The following KRABD5 variants were observed in gnomAD, a reference collection of about 807,000 sequenced individuals.
KRABD5 encodes KRAB domain-containing protein 5.
the KRABD5 span, chr16:31,754,633 T>C: frequency 2.1e-6 from 1 of 465,658 alleles, no homozygotes; most frequent in East Asian, 6.7e-5. Context: ...CTGCCAAATG[T>C]AATAAGTGTA....
chr16:31,735,112 C>CTT, the KRABD5 span, among the ~76,000 whole-genome samples: 2 of 150,482 alleles, frequency 1.3e-5, no homozygotes, highest in Non-Finnish European at 2.9e-5. Context: ...CTCTTTCTTT[C>CTT]TTTTTTTCTT....
At chr16:31,724,549 G>A in the KRABD5 span, among the ~76,000 whole-genome samples, 8 of 151,884 alleles carry the variant, frequency 5.3e-5, no homozygotes, top group Admixed American at 1.3e-4. Flanking sequence ...AAAATTAGCC[G>A]GGCGTGGTGG....
chr16:31,713,332 G>A, the KRABD5 span: 1 of 1,520,164 alleles, frequency 6.6e-7, no homozygotes, highest in Non-Finnish European at 8.9e-7. Flanking sequence ...AGGCCAAGGC[G>A]GCTTCGCGTT....
At chr16:31,730,949 T>C in the KRABD5 span, among the ~76,000 whole-genome samples, 2 of 152,230 alleles carry the variant, frequency 1.3e-5, no homozygotes, top group Non-Finnish European at 2.9e-5. Flanking sequence ...TATAAAACTT[T>C]TTAGTTATCT....
At chr16:31,747,131 C>T in the KRABD5 span, among the ~76,000 whole-genome samples, 1 of 137,532 alleles carries the variant, frequency 7.3e-6, no homozygotes, top group Non-Finnish European at 1.6e-5. Context: ...TTAATGCTAT[C>T]CCTACCCCCT....
At chr16:31,747,537 T>G in the KRABD5 span, among the ~76,000 whole-genome samples, 1 of 152,224 alleles carries the variant, frequency 6.6e-6, no homozygotes. Flanking sequence ...ATGGTATTTC[T>G]AGTTCTAGAT....
At chr16:31,745,936 G>C in the KRABD5 span, among the ~76,000 whole-genome samples, 1 of 151,860 alleles carries the variant, frequency 6.6e-6, no homozygotes, top group Admixed American at 6.6e-5. Context: ...AACTAGGATT[G>C]CAACCCCTGC....
chr16:31,742,396 C>T, the KRABD5 span, among the ~76,000 whole-genome samples: 2 of 151,994 alleles, frequency 1.3e-5, no homozygotes, highest in East Asian at 1.9e-4. Flanking sequence ...CACTTATAAG[C>T]GAGAACATGC....
At chr16:31,716,997 G>GTTTTTTTTTTTTTTTT in the KRABD5 span, among the ~76,000 whole-genome samples, 1 of 81,164 alleles carries the variant, frequency 1.2e-5, no homozygotes, top group Admixed American at 1.5e-4. Context: ...GTCAGTCTTT[G>GTTTTTTTTTTTTTTTT]TTTTTTTTTT....
At chr16:31,759,066 C>T in the KRABD5 span, 1 of 286,614 alleles carries the variant, frequency 3.5e-6, no homozygotes, top group African/African-American at 2.2e-5. Context: ...TTCCCTGCAG[C>T]AACCACTAAA....
At chr16:31,754,494 A>G in the KRABD5 span, 1 of 632,096 alleles carries the variant, frequency 1.6e-6, no homozygotes, top group Non-Finnish European at 2.9e-6. Context: ...ACATTAAGCC[A>G]AGGCATAAGC....
At chr16:31,714,260 T>G in the KRABD5 span, 2 of 411,170 alleles carry the variant, frequency 4.9e-6, no homozygotes, top group African/African-American at 4.2e-5. Context: ...TCGAAAGAGG[T>G]ATTTTGGCCT....
the KRABD5 span, among the ~76,000 whole-genome samples, chr16:31,715,134 A>G: frequency 8.5e-5 from 13 of 152,142 alleles, no homozygotes; most frequent in African/African-American, 3.1e-4. Context: ...GGGCATAAAG[A>G]GGGGTTGAAT....
chr16:31,752,301 G>A, the KRABD5 span, among the ~76,000 whole-genome samples: 1 of 152,124 alleles, frequency 6.6e-6, no homozygotes, highest in Non-Finnish European at 1.5e-5. Flanking sequence ...ATGCCTATTA[G>A]GTTATGTGGA....
chr16:31,729,840 A>G, the KRABD5 span, among the ~76,000 whole-genome samples: 42 of 152,024 alleles, frequency 2.8e-4, 1 homozygote, highest in African/African-American at 1.0e-3. Context: ...TAAGACTTAC[A>G]TAAAACATCA....
chr16:31,731,249 T>C, the KRABD5 span, among the ~76,000 whole-genome samples: 1 of 152,162 alleles, frequency 6.6e-6, no homozygotes, highest in African/African-American at 2.4e-5. Flanking sequence ...TGCACCTGAG[T>C]GTGTTGGAGC....
chr16:31,722,835 G>A, the KRABD5 span: 3 of 1,422,692 alleles, frequency 2.1e-6, no homozygotes, highest in Non-Finnish European at 2.8e-6. Context: ...TCACTTGGGA[G>A]CTTATGCTTT....
the KRABD5 span, among the ~76,000 whole-genome samples, chr16:31,735,893 A>G: frequency 6.6e-6 from 1 of 152,140 alleles, no homozygotes; most frequent in African/African-American, 2.4e-5. Context: ...ATTTCATTTC[A>G]TATGCAAAAG....
the KRABD5 span, among the ~76,000 whole-genome samples, chr16:31,727,317 A>G: frequency 6.6e-6 from 1 of 152,130 alleles, no homozygotes; most frequent in African/African-American, 2.4e-5. Flanking sequence ...GAGCCCCCAG[A>G]TTGGGGCTTA....
Sources: allele counts gnomAD v4.1 joint callset (sites outside exome capture counted in the v4.1 genomes callset), GRCh38; gene constraint gnomAD v4.1.1; transcripts MANE v1.5; gene names NCBI Gene and HGNC (gene_info 2026-07-23, HGNC 2026-07-21).